The following BBS12 variants were observed in gnomAD, a reference collection of about 807,000 sequenced individuals.
BBS12 encodes the protein chaperonin-containing T-complex member BBS12.
A neutral mutation model predicts 5.6 loss-of-function variants in BBS12; 5 were observed. The observed-to-expected ratio is 0.89, with a 90% CI of 0.46 to 1.86. The LOEUF is 1.86. Among genes scored for constraint, BBS12 ranks in the 40% most tolerant of loss-of-function variants. BBS12 has a pLI of 0.01. For missense variants in BBS12, 748 were observed against 830.4 expected (o/e 0.90, Z 1.22); for synonymous variants, 308 against 306.8 (o/e 1.00, Z -0.04).
chr4:122,744,675 T>G lies in BBS12; in HGVS notation c.*650T>G, dbSNP rs1180292829. The G allele has an allele frequency of 6.0e-6, 1 of 167,328 alleles. No individual in the cohort carries two copies. The highest frequency in any genetic ancestry group is 1.5e-5 in the Non-Finnish European group (1 of 68,280). The allele number at this position is 167,328 out of a possible 1,614,324, so 10.4% of individuals were successfully genotyped here. ...ATGAGTATGCCACTCTATCAGCTAC[T>G]CTGATTAACCTGACAGTCGGGTTGT... On this transcript the variant is annotated 3_prime_UTR_variant, in exon 2 of 2. Transcript: ENST00000314218.
At chr4:122,712,644 G>GCCAAATTAT in the BBS12 span, among the ~76,000 whole-genome samples, 4 of 152,226 alleles carry the variant, frequency 2.6e-5, no homozygotes, top group East Asian at 7.7e-4. Context: ...AATCTCCCCT[G>GCCAAATTAT]CCAAATTATT....
rs17006094 is a variant in BBS12 at position 122,743,179 on chromosome 4, T to C, written c.1287T>C (p.Ser429=). The C allele has an allele frequency of 4.2e-4, 686 of 1,614,188 alleles. 4 individuals are homozygous for C. The African/African-American group carries it at 8.4e-3, about 20-fold the overall frequency. ...GCTTAATTGAAAAATGTATAAACAG[T>C]AAGCGGTTGGTAATCGGCTCAGTGA... ...SERLIEKCIN[S]KRLVIGSVNG... The change falls in exon 2 of 2, where the codon AGT becomes AGC. Residue 429 remains serine, a synonymous_variant. Transcript: ENST00000314218.
At chr4:122,728,068 T>C (rs309353), upstream of BBS12, among the ~76,000 whole-genome samples, 31,069 of 152,054 alleles carry the variant, frequency 0.2, 4,713 homozygotes, top group East Asian at 0.64. Context: ...TTTTTGGAAA[T>C]GTAATTTGGC....
At chr4:122,720,887 TAA>T in the BBS12 span, among the ~76,000 whole-genome samples, 1 of 139,256 alleles carries the variant, frequency 7.2e-6, no homozygotes, top group Non-Finnish European at 1.6e-5. Context: ...TCACTCAGAA[TAA>T]AAAAAAAAAA....
rs1450190654 is a variant in BBS12 at position 122,742,368 on chromosome 4, C to T, written c.476C>T (p.Pro159Leu). 24 of 1,614,012 alleles carry T rather than the reference C, an allele frequency of 1.5e-5. No homozygotes were observed. Among genetic ancestry groups the T allele is most frequent in the Non-Finnish European group, 1.9e-5 (23 of 1,180,024 alleles). ...QLETFSVSLC[P>L]FLQVPSDTDL... ...GAAACATTTAGTGTAAGTTTGTGTCCTTTTCTACAGGTCCCTTCAGATACT... is the reference window on the plus strand; with the variant it reads ...GAAACATTTAGTGTAAGTTTGTGTCTTTTTCTACAGGTCCCTTCAGATACT... Residue 159 changes from proline to leucine, a missense_variant, in exon 2 of 2, where the codon CCT (proline) becomes CTT (leucine). Transcript: ENST00000314218.
At position 122,742,849 on chromosome 4, in the gene BBS12, T is replaced by G. The variant is rs774563406; in HGVS notation, c.957T>G (p.Cys319Trp). 1 of 1,614,202 alleles carries G rather than the reference T, an allele frequency of 6.2e-7. No homozygotes were observed. The stretch of plus-strand genomic sequence containing the variant: ...ACATTTCAAGAATTTTCACTTGCTG[T>G]CTACCAGGCTTACCTGAAACTTCTT... ...MFDISRIFTC[C>W]LPGLPETSSC... Residue 319 changes from cysteine to tryptophan, a missense_variant, in exon 2 of 2, where the codon TGT becomes TGG. Physicochemically the swap from Cys to Trp is radical, Grantham distance 215. Transcript: ENST00000314218.
chr4:122,718,010 T>TCGTGG, the BBS12 span, among the ~76,000 whole-genome samples: 1 of 152,318 alleles, frequency 6.6e-6, no homozygotes, highest in East Asian at 1.9e-4. Flanking sequence ...GTTGAGCTAG[T>TCGTGG]CGTTTAAATC....
At chr4:122,725,732 A>G in the BBS12 span, among the ~76,000 whole-genome samples, 1 of 152,020 alleles carries the variant, frequency 6.6e-6, no homozygotes, top group Non-Finnish European at 1.5e-5. Context: ...CCCCGTCTCT[A>G]CTAAAAATAC....
intron 1 of BBS12, among the ~76,000 whole-genome samples, chr4:122,733,139 C>T (rs1410501837): frequency 6.6e-6 from 1 of 152,116 alleles, no homozygotes; most frequent in African/African-American, 2.4e-5. Context: ...TTTACCTCCT[C>T]CCTGTTTTGG....
chr4:122,705,601 A>C, the BBS12 span, among the ~76,000 whole-genome samples: 1 of 152,216 alleles, frequency 6.6e-6, no homozygotes, highest in Non-Finnish European at 1.5e-5. Flanking sequence ...GATTAAATTA[A>C]TCCTAGTTTG....
At chr4:122,713,672 G>C in the BBS12 span, among the ~76,000 whole-genome samples, 1 of 152,224 alleles carries the variant, frequency 6.6e-6, no homozygotes. Flanking sequence ...AGTAAGATCA[G>C]TGTTTTTCAT....
chr4:122,715,633 T>C, the BBS12 span, among the ~76,000 whole-genome samples: 2 of 152,220 alleles, frequency 1.3e-5, no homozygotes, highest in African/African-American at 4.8e-5. Flanking sequence ...AGTGATATCC[T>C]GGAATCACTA....
the BBS12 span, among the ~76,000 whole-genome samples, chr4:122,717,014 A>T: frequency 6.6e-6 from 1 of 152,116 alleles, no homozygotes; most frequent in African/African-American, 2.4e-5. Flanking sequence ...AACAGACAAG[A>T]CCTCAACGCC....
the BBS12 span, among the ~76,000 whole-genome samples, chr4:122,716,475 C>A: frequency 7.3e-6 from 1 of 137,002 alleles, no homozygotes; most frequent in Non-Finnish European, 1.5e-5. Context: ...AAACAACAGA[C>A]ATCTTCAAAA....
At chr4:122,700,817 G>A in the BBS12 span, among the ~76,000 whole-genome samples, 1 of 152,192 alleles carries the variant, frequency 6.6e-6, no homozygotes, top group Admixed American at 6.5e-5. Context: ...GTGGAGAAGA[G>A]GGTCAGAAGC....
chr4:122,733,652 G>A (rs1322004576), intron 1 of BBS12, among the ~76,000 whole-genome samples: 1 of 152,192 alleles, frequency 6.6e-6, no homozygotes, highest in Non-Finnish European at 1.5e-5. Context: ...CAGCTTAAAG[G>A]ACAGGGGAGA....
Position 122,737,192 on chromosome 4 carries a change from C to T in BBS12, c.-11+4308C>T, listed in dbSNP as rs116194241. On this transcript the variant is annotated intron_variant, in intron 1 of 1. Transcript: ENST00000314218. ...TAGAAAGGAGATCATAAGCAGAGAC[C>T]CTGATACATGTACAAGTTAAGAGTA... 8.2e-3 allele frequency among the ~76,000 whole-genome samples: 1,243 copies of T among 152,074 alleles called. 16 individuals carry two copies. The highest frequency in any genetic ancestry group is 0.028 in the African/African-American group (1,175 of 41,466).
At chr4:122,725,538 T>C in the BBS12 span, among the ~76,000 whole-genome samples, 1 of 152,006 alleles carries the variant, frequency 6.6e-6, no homozygotes, top group Non-Finnish European at 1.5e-5. Flanking sequence ...CAACAAATGG[T>C]GCTGGGATAA....
chr4:122,726,822 A>G, the BBS12 span, among the ~76,000 whole-genome samples: 64,982 of 152,008 alleles, frequency 0.43, 15,285 homozygotes, highest in East Asian at 0.65. Flanking sequence ...ATGGAACTGG[A>G]GACTATTATT....
Sources: gnomAD v4.1 joint callset for allele counts (sites outside exome capture counted in the v4.1 genomes callset) on GRCh38, gnomAD v4.1.1 for gene constraint, MANE v1.5 for transcripts, NCBI Gene and HGNC (gene_info 2026-07-23, HGNC 2026-07-21) for gene names.